Variants in PRELID2 observed in about 807,000 individuals in gnomAD.
PRELID2 encodes the protein PRELI domain containing 2.
PRELID2 carries 25 observed loss-of-function variants against 28.4 expected under a neutral mutation model. That is an observed-to-expected ratio of 0.88 (90% CI 0.64 to 1.23). PRELID2 has a LOEUF of 1.23. PRELID2 is among the 50% of genes most tolerant of loss of function. The probability of loss-of-function intolerance (pLI) is 0.00; values close to 1 mark genes in which losing one functional copy is unlikely to be tolerated. For missense variants in PRELID2, 201 were observed against 214.4 expected, an observed-to-expected ratio of 0.94 and a Z score of 0.39; for synonymous variants, 76 against 71.6, an observed-to-expected ratio of 1.06 and a Z score of -0.31.
intron 1 of PRELID2, among the ~76,000 whole-genome samples, chr5:145,489,552 C>T (rs903847620): frequency 6.6e-6 from 1 of 152,144 alleles, no homozygotes; most frequent in Non-Finnish European, 1.5e-5. Flanking sequence ...CTGGTAGAAA[C>T]GAAATTGTCA....
the PRELID2 span, among the ~76,000 whole-genome samples, chr5:145,451,678 T>C: frequency 1.3e-5 from 2 of 152,188 alleles, no homozygotes; most frequent in Non-Finnish European, 2.9e-5. Flanking sequence ...GATTAAAATC[T>C]GCAGGGTTTG....
At chr5:145,351,405 G>T in the PRELID2 span, among the ~76,000 whole-genome samples, 1 of 152,114 alleles carries the variant, frequency 6.6e-6, no homozygotes, top group African/African-American at 2.4e-5. Context: ...CAAAGAGGGA[G>T]AAGCCCCTTA....
chr5:145,423,995 G>A, the PRELID2 span, among the ~76,000 whole-genome samples: 807 of 151,796 alleles, frequency 5.3e-3, 6 homozygotes, highest in African/African-American at 0.016. Flanking sequence ...GTACCCTGCC[G>A]TGTGAGGTGT....
rs745309247 is a variant in PRELID2 at position 145,627,097 on chromosome 5, C to CAA, written n.70+137832_70+137833dup. The stretch of plus-strand genomic sequence containing the variant: ...CCTGGGTGACAGAGTAAGACTCTCC[C>CAA]AAAAAAAAAAAAAAAAAAAAAAAAA... On this transcript the variant is annotated intron_variant and non_coding_transcript_variant, in intron 1 of 2. Coordinates refer to the PRELID2 transcript ENST00000510259. Among the ~76,000 whole-genome samples the CAA allele has an allele frequency of 3.1e-4, 13 of 41,826 alleles. 1 individual carries two copies. Among genetic ancestry groups the CAA allele is most frequent in the Non-Finnish European group, 3.7e-4 (8 of 21,402 alleles). 27.4% of individuals were successfully genotyped at this position (41,826 alleles called of 152,430 possible).
At chr5:145,709,661 C>G (rs541925691) in intron 1 of PRELID2, among the ~76,000 whole-genome samples, 1 of 151,524 alleles carries the variant, frequency 6.6e-6, no homozygotes, top group East Asian at 1.9e-4. Context: ...AATAACAAGA[C>G]AGGAATTTTA....
chr5:145,641,770 G>A (rs966291460), intron 1 of PRELID2, among the ~76,000 whole-genome samples: 4 of 152,188 alleles, frequency 2.6e-5, no homozygotes, highest in African/African-American at 9.7e-5. Flanking sequence ...GTGGTGTTTG[G>A]TTTTCTGTTT....
At chr5:145,375,499 TG>T in the PRELID2 span, among the ~76,000 whole-genome samples, 1 of 152,068 alleles carries the variant, frequency 6.6e-6, no homozygotes, top group Non-Finnish European at 1.5e-5. Flanking sequence ...CTTTGTCCCT[TG>T]GTGGAGAGGG....
At chr5:145,327,840 T>C in the PRELID2 span, among the ~76,000 whole-genome samples, 1 of 152,178 alleles carries the variant, frequency 6.6e-6, no homozygotes, top group Non-Finnish European at 1.5e-5. Flanking sequence ...ATGTGCAGGT[T>C]TGTTACATAA....
In PRELID2 at chr5:145,619,845, C is replaced by G. The variant is rs184605553; in HGVS notation, n.70+145086G>C. ...AAGCATATGAAAACCCATTATCAAT[C>G]AAGACAATCAGTAAATATATGAAAA... On this transcript the variant is annotated intron_variant and non_coding_transcript_variant, in intron 1 of 2. Coordinates refer to the PRELID2 transcript ENST00000510259. Among the ~76,000 whole-genome samples, 59 of 152,212 alleles carry G rather than the reference C, an allele frequency of 3.9e-4. 1 individual carries two copies. Among genetic ancestry groups the G allele is most frequent in the African/African-American group, 1.4e-3 (57 of 41,552 alleles).
chr5:145,450,360 C>A, the PRELID2 span, among the ~76,000 whole-genome samples: 1 of 152,130 alleles, frequency 6.6e-6, no homozygotes, highest in South Asian at 2.1e-4. Context: ...TTTTTGATAA[C>A]ATCTTGGCAA....
At chr5:145,639,073 A>G (rs1368682447) in intron 1 of PRELID2, among the ~76,000 whole-genome samples, 1 of 152,228 alleles carries the variant, frequency 6.6e-6, no homozygotes, top group Non-Finnish European at 1.5e-5. Context: ...GCAAAATATG[A>G]AAGAAGTAGA....
the PRELID2 span, among the ~76,000 whole-genome samples, chr5:145,262,276 G>A: frequency 3.9e-5 from 6 of 151,936 alleles, no homozygotes; most frequent in African/African-American, 1.5e-4. Context: ...CATATTTGAG[G>A]GAATAATTGA....
intron 1 of PRELID2, among the ~76,000 whole-genome samples, chr5:145,580,020 A>AG (rs1753094177): frequency 1.3e-5 from 2 of 152,096 alleles, no homozygotes; most frequent in Non-Finnish European, 2.9e-5. Flanking sequence ...CTTTCCAAAT[A>AG]AGATTCTATT....
intron 1 of PRELID2, among the ~76,000 whole-genome samples, chr5:145,724,648 A>ATATATATATAT (rs1756091233): frequency 1.7e-5 from 1 of 60,524 alleles, no homozygotes; most frequent in East Asian, 5.3e-4. Context: ...TATATATATA[A>ATATATATATAT]TGCCTGTAAC....
intron 1 of PRELID2, among the ~76,000 whole-genome samples, chr5:145,573,944 A>C: frequency 6.6e-6 from 1 of 152,188 alleles, no homozygotes; most frequent in Non-Finnish European, 1.5e-5. Flanking sequence ...AAAAGGGGTC[A>C]CCAGAGATGT....
chr5:145,316,452 A>G, the PRELID2 span, among the ~76,000 whole-genome samples: 1 of 152,190 alleles, frequency 6.6e-6, no homozygotes, highest in Non-Finnish European at 1.5e-5. Context: ...ACATTTACCA[A>G]CACACCATAA....
At chr5:145,577,213 A>G (rs536832105) in intron 1 of PRELID2, among the ~76,000 whole-genome samples, 1 of 152,286 alleles carries the variant, frequency 6.6e-6, no homozygotes, top group African/African-American at 2.4e-5. Flanking sequence ...TCAAAGAAAC[A>G]TGACAGCATC....
chr5:145,379,981 C>T, the PRELID2 span, among the ~76,000 whole-genome samples: 1 of 152,164 alleles, frequency 6.6e-6, no homozygotes, highest in African/African-American at 2.4e-5. Flanking sequence ...TCCAACAGTT[C>T]CTTTAGGGCT....
At chr5:145,385,833 T>A in the PRELID2 span, among the ~76,000 whole-genome samples, 2 of 152,168 alleles carry the variant, frequency 1.3e-5, no homozygotes, top group Non-Finnish European at 2.9e-5. Context: ...TCATAAAGCC[T>A]TTCCAGTACC....
Sources: gnomAD v4.1 joint callset for allele counts (sites outside exome capture counted in the v4.1 genomes callset) on GRCh38, gnomAD v4.1.1 for gene constraint, MANE v1.5 for transcripts, NCBI Gene and HGNC (gene_info 2026-07-23, HGNC 2026-07-21) for gene names.